CELF2: variants seen among roughly 807,000 people sequenced by gnomAD.
CELF2 encodes the protein CUG triplet repeat RNA-binding protein 2.
In CELF2, 8 loss-of-function variants were observed where a neutral mutation model predicts 62.6. The ratio of observed to expected loss-of-function variants is 0.13; its 90% CI spans 0.07 to 0.23. The LOEUF (loss-of-function observed/expected upper bound fraction) is 0.23. Ranked by LOEUF, CELF2 falls within the 10% of genes least tolerant of loss-of-function variation. The probability of loss-of-function intolerance (pLI) is 1.00; values close to 1 mark genes in which losing one functional copy is unlikely to be tolerated. For missense variants in CELF2, 333 were observed against 671.0 expected (o/e 0.50, Z 5.56); for synonymous variants, 258 against 250.0 (o/e 1.03, Z -0.30).
intron 1 of CELF2, among the ~76,000 whole-genome samples, chr10:10,832,696 C>G (rs2057968925): frequency 6.6e-6 from 1 of 152,172 alleles, no homozygotes; most frequent in Non-Finnish European, 1.5e-5. Context: ...ATTTACAGGA[C>G]CTTTTCCCTA....
chr10:10,836,482 G>A (rs2058296151), intron 1 of CELF2, among the ~76,000 whole-genome samples: 1 of 152,190 alleles, frequency 6.6e-6, no homozygotes, highest in Admixed American at 6.5e-5. Flanking sequence ...CAACGCATTG[G>A]TGGCCAGGCA....
chr10:10,673,571 A>G, the CELF2 span, among the ~76,000 whole-genome samples: 1 of 151,846 alleles, frequency 6.6e-6, no homozygotes, highest in Admixed American at 6.6e-5. Context: ...CTTTTATTCT[A>G]CTTACTTTGG....
intron 1 of CELF2, among the ~76,000 whole-genome samples, chr10:11,112,848 G>A (rs149461687): frequency 2.3e-4 from 35 of 152,300 alleles, no homozygotes; most frequent in African/African-American, 6.7e-4. Flanking sequence ...GCCCATATCC[G>A]AAGCTTGTGT....
rs1268428264 is a variant in CELF2, at chr10:11,330,548, C to CTTTCTGACCTCACATCA, written c.*1497_*1513dup. The CTTTCTGACCTCACATCA allele has an allele frequency of 6.6e-6, 1 of 152,492 alleles. No homozygotes were observed. Among genetic ancestry groups the CTTTCTGACCTCACATCA allele is most frequent in the African/African-American group, 2.4e-5 (1 of 41,388 alleles). 9.4% of individuals were successfully genotyped at this position (152,492 alleles called of 1,614,324 possible). On this transcript the variant is annotated 3_prime_UTR_variant, in exon 13 of 13. Transcript: ENST00000633077. This position sits in a 1 kb window ranked among gnomAD's most constrained non-coding sequence, Gnocchi z 4.5. ...ATCGTCCCGTCATTGTTTCTGATGT[C>CTTTCTGACCTCACATCA]TTTCTGACCTCACATCATATTTGGT...
intron 9 of CELF2, among the ~76,000 whole-genome samples, chr10:11,301,845 G>C (rs953308984): frequency 6.6e-6 from 1 of 152,064 alleles, no homozygotes; most frequent in South Asian, 2.1e-4. Context: ...CATGTCGTGA[G>C]GAGCCCCAGT....
chr10:10,626,413 C>T, the CELF2 span, among the ~76,000 whole-genome samples: 14 of 152,002 alleles, frequency 9.2e-5, no homozygotes, highest in African/African-American at 1.9e-4. Flanking sequence ...CTGTACTAAA[C>T]GAGTTTCATA....
In CELF2 at chr10:11,269,927, C is replaced by T. The variant is rs923852735; in HGVS notation, c.619-739C>T. On this transcript the variant is annotated intron_variant, in intron 6 of 12. Transcript: ENST00000633077. The surrounding 1 kb of genome is among the most constrained non-coding windows in gnomAD (Gnocchi z 4.4). Reference sequence around the variant, plus strand: ...GGGAAAGAAGCCAAGTGGACTCCTCCGTCTGCTGTTCACGGTCTATCTTCT... The same window carrying T: ...GGGAAAGAAGCCAAGTGGACTCCTCTGTCTGCTGTTCACGGTCTATCTTCT... Among the ~76,000 whole-genome samples the T allele has an allele frequency of 6.6e-6, 1 of 152,138 alleles. No homozygotes were observed. Among genetic ancestry groups the T allele is most frequent in the Non-Finnish European group, 1.5e-5 (1 of 68,020 alleles).
At chr10:10,608,521 G>A in the CELF2 span, among the ~76,000 whole-genome samples, 1 of 152,158 alleles carries the variant, frequency 6.6e-6, no homozygotes, top group Non-Finnish European at 1.5e-5. Flanking sequence ...GGATAGCTCT[G>A]GGAGCCAGAT....
At chr10:11,057,045 G>T (rs1011284636) in intron 1 of CELF2, among the ~76,000 whole-genome samples, 2 of 152,206 alleles carry the variant, frequency 1.3e-5, no homozygotes, top group Non-Finnish European at 2.9e-5. Flanking sequence ...TTGGAGGGGA[G>T]GCTGTGCTGG....
At chr10:10,636,929 G>A in the CELF2 span, among the ~76,000 whole-genome samples, 19 of 152,202 alleles carry the variant, frequency 1.2e-4, 1 homozygote, top group South Asian at 3.5e-3. Flanking sequence ...GTTTTTAAAC[G>A]TGTCTCCTCC....
chr10:10,696,735 C>T, the CELF2 span, among the ~76,000 whole-genome samples: 194 of 152,278 alleles, frequency 1.3e-3, 3 homozygotes, highest in African/African-American at 4.5e-3. Context: ...ATCGGAAAAG[C>T]GCAGTATTTG....
intron 2 of CELF2, among the ~76,000 whole-genome samples, chr10:11,189,410 C>T (rs1482611346): frequency 6.6e-6 from 1 of 152,194 alleles, no homozygotes; most frequent in Non-Finnish European, 1.5e-5. Context: ...CAAGCTCTAC[C>T]TTTTAATTGG....
chr10:11,188,429 G>C (rs1330619603), intron 2 of CELF2, among the ~76,000 whole-genome samples: 1 of 152,164 alleles, frequency 6.6e-6, no homozygotes, highest in East Asian at 1.9e-4. Context: ...ACTGGCTATA[G>C]ATTTCTAGGT....
chr10:10,486,904 G>A, the CELF2 span, among the ~76,000 whole-genome samples: 1 of 152,144 alleles, frequency 6.6e-6, no homozygotes, highest in Non-Finnish European at 1.5e-5. Context: ...AAAGGGAGCA[G>A]AGAGGAATTA....
the CELF2 span, among the ~76,000 whole-genome samples, chr10:10,655,703 C>T: frequency 7.8e-6 from 1 of 128,114 alleles, no homozygotes; most frequent in African/African-American, 2.8e-5. Context: ...CTTCCTTACA[C>T]CTTATACAAA....
upstream of CELF2, among the ~76,000 whole-genome samples, chr10:11,001,993 C>T (rs561400966): frequency 9.2e-5 from 14 of 152,258 alleles, no homozygotes; most frequent in African/African-American, 3.1e-4. Context: ...ACTGCTTAAG[C>T]AATTTTTCAT....
chr10:11,117,414 C>G lies in CELF2; in HGVS notation c.75-48072C>G, dbSNP rs1184886750. On this transcript the variant is annotated intron_variant, in intron 1 of 12. Transcript: ENST00000633077. The surrounding 1 kb of genome is among the most constrained non-coding windows in gnomAD (Gnocchi z 4.1). The stretch of plus-strand genomic sequence containing the variant: ...ATTGGTTAGGTATCATTCGAAAAAG[C>G]CAGTGGCTCTCCAGGAATGAAGATG... Among the ~76,000 whole-genome samples, 1 of 152,178 alleles carries G rather than the reference C, an allele frequency of 6.6e-6. No individual in the cohort carries two copies. The highest frequency in any genetic ancestry group is 2.4e-5 in the African/African-American group (1 of 41,436).
At chr10:10,698,693 C>A in the CELF2 span, among the ~76,000 whole-genome samples, 1 of 152,132 alleles carries the variant, frequency 6.6e-6, no homozygotes, top group Non-Finnish European at 1.5e-5. Flanking sequence ...ACAGAAAAGT[C>A]AGCAATGAAA....
At chr10:10,843,188 A>G (rs1368355859) in intron 1 of CELF2, among the ~76,000 whole-genome samples, 1 of 152,062 alleles carries the variant, frequency 6.6e-6, no homozygotes, top group Non-Finnish European at 1.5e-5. Flanking sequence ...AAAGAAAAAC[A>G]ACAGAAAAAC....
Sources: gnomAD v4.1 joint callset for allele counts (sites outside exome capture counted in the v4.1 genomes callset) on GRCh38, gnomAD v4.1.1 for gene constraint, Gnocchi (gnomAD v3.1) non-coding constraint, MANE v1.5 for transcripts, NCBI Gene and HGNC (gene_info 2026-07-23, HGNC 2026-07-21) for gene names.